Variants in SAMMSON observed in about 807,000 individuals in gnomAD.
The protein encoded by SAMMSON is long intergenic non-protein coding RNA 1212.
intron 6 of SAMMSON, among the ~76,000 whole-genome samples, chr3:70,279,760 AT>A (rs899451169): frequency 1.7e-4 from 26 of 152,284 alleles, no homozygotes; most frequent in Admixed American, 5.9e-4. Flanking sequence ...CATAAATGCC[AT>A]CCCTCTTTTC....
chr3:70,338,279 T>C (rs1489403511), intron 7 of SAMMSON, among the ~76,000 whole-genome samples: 1 of 152,002 alleles, frequency 6.6e-6, no homozygotes, highest in Non-Finnish European at 1.5e-5. Context: ...TTTTTAATAT[T>C]ATAAATTCCC....
intron 2 of SAMMSON, among the ~76,000 whole-genome samples, chr3:70,401,382 C>T (rs1701139372): frequency 6.6e-6 from 1 of 152,102 alleles, no homozygotes; most frequent in African/African-American, 2.4e-5. Flanking sequence ...TCAATTTAGG[C>T]CTCTACCTTA....
rs561982829 is a variant in SAMMSON, at chr3:70,070,268, T to C, written n.418-1208T>C. The C allele has an allele frequency of 9.9e-5, 15 of 152,196 alleles. No homozygotes were observed. In the East Asian group the frequency reaches 2.9e-3, roughly 30 times the overall value. The allele number at this position is 152,196 out of a possible 1,614,324, so 9.4% of individuals were successfully genotyped here. On this transcript the variant is annotated intron_variant and non_coding_transcript_variant, in intron 3 of 9. Transcript: ENST00000642114. ...CATAGTACATATCAAAAGTGGGAAATAGACTTTGACAAAATACTATTCATT... is the reference window on the plus strand; with the variant it reads ...CATAGTACATATCAAAAGTGGGAAACAGACTTTGACAAAATACTATTCATT...
intron 7 of SAMMSON, among the ~76,000 whole-genome samples, chr3:70,306,965 A>G (rs1293015297): frequency 6.6e-6 from 1 of 152,172 alleles, no homozygotes; most frequent in Non-Finnish European, 1.5e-5. Context: ...AAATATGTAT[A>G]TGTATGTGTG....
At chr3:70,163,311 CTA>C (rs1210395270) in intron 4 of SAMMSON, among the ~76,000 whole-genome samples, 2 of 146,702 alleles carry the variant, frequency 1.4e-5, no homozygotes, top group African/African-American at 5.0e-5. Context: ...TAAATCAGAA[CTA>C]TATATATATT....
chr3:70,309,206 T>A (rs1702434390), intron 7 of SAMMSON, among the ~76,000 whole-genome samples: 1 of 152,140 alleles, frequency 6.6e-6, no homozygotes, highest in African/African-American at 2.4e-5. Flanking sequence ...GAGATTCAAT[T>A]TGCCACTTAA....
chr3:70,357,660 C>T (rs1403371128), intron 8 of SAMMSON, among the ~76,000 whole-genome samples: 2 of 151,950 alleles, frequency 1.3e-5, no homozygotes, highest in Non-Finnish European at 1.5e-5. Flanking sequence ...CACATGTATA[C>T]TTATGGAACA....
At chr3:70,017,226 A>G (rs1576097449) in intron 3 of SAMMSON, among the ~76,000 whole-genome samples, 1 of 152,134 alleles carries the variant, frequency 6.6e-6, no homozygotes, top group East Asian at 1.9e-4. Context: ...TGAGCATGGA[A>G]TGTTATTCCA....
At chr3:70,386,583 A>G (rs947211341) in intron 9 of SAMMSON, among the ~76,000 whole-genome samples, 1 of 152,074 alleles carries the variant, frequency 6.6e-6, no homozygotes, top group Non-Finnish European at 1.5e-5. Context: ...GCTACAGCTC[A>G]TGTTAAGTTT....
At chr3:70,041,059 A>G (rs2067104629) in intron 3 of SAMMSON, among the ~76,000 whole-genome samples, 1 of 152,140 alleles carries the variant, frequency 6.6e-6, no homozygotes, top group South Asian at 2.1e-4. Context: ...TTGAAAGCAA[A>G]TTATAAAAGT....
chr3:70,147,679 T>C (rs2106685118), intron 4 of SAMMSON, among the ~76,000 whole-genome samples: 1 of 152,172 alleles, frequency 6.6e-6, no homozygotes, highest in Non-Finnish European at 1.5e-5. Context: ...CATCTAAGCA[T>C]AAAATTATAA....
intron 4 of SAMMSON, among the ~76,000 whole-genome samples, chr3:70,101,054 T>A (rs1016343670): frequency 2.0e-4 from 31 of 152,336 alleles, no homozygotes; most frequent in African/African-American, 6.0e-4. Flanking sequence ...GAATTTTTGA[T>A]CTGGTGGATT....
intron 2 of SAMMSON, among the ~76,000 whole-genome samples, chr3:70,415,834 C>T (rs867683369): frequency 1.1e-4 from 17 of 152,094 alleles, no homozygotes; most frequent in African/African-American, 3.1e-4. Flanking sequence ...TGTTGGACAC[C>T]GAGCTACCCT....
At chr3:70,168,362 A>G (rs1423651107) in intron 4 of SAMMSON, among the ~76,000 whole-genome samples, 1 of 152,020 alleles carries the variant, frequency 6.6e-6, no homozygotes, top group African/African-American at 2.4e-5. Flanking sequence ...CTCATAACCT[A>G]TAGAGCACAG....
chr3:70,148,033 G>A (rs1179613025), intron 4 of SAMMSON, among the ~76,000 whole-genome samples: 1 of 152,018 alleles, frequency 6.6e-6, no homozygotes, highest in African/African-American at 2.4e-5. Context: ...ATGAAAAGAT[G>A]CTCAATATCA....
At chr3:70,311,775 A>G (rs1292985109) in intron 7 of SAMMSON, 2 of 391,332 alleles carry the variant, frequency 5.1e-6, no homozygotes, top group African/African-American at 2.1e-5. Flanking sequence ...AATCAGAAGT[A>G]CTACTATTTG....
chr3:70,210,304 G>A (rs1323506904), intron 4 of SAMMSON, among the ~76,000 whole-genome samples: 1 of 152,104 alleles, frequency 6.6e-6, no homozygotes, highest in African/African-American at 2.4e-5. Flanking sequence ...CATTCATAAA[G>A]TTATTTTAAT....
intron 4 of SAMMSON, among the ~76,000 whole-genome samples, chr3:70,218,984 C>T (rs1701438365): frequency 7.3e-6 from 1 of 137,904 alleles, no homozygotes; most frequent in Admixed American, 7.4e-5. Flanking sequence ...AGTGTTTGGG[C>T]CATTTCAAGA....
chr3:70,380,171 C>T (rs1442315782), intron 9 of SAMMSON, among the ~76,000 whole-genome samples: 1 of 152,072 alleles, frequency 6.6e-6, no homozygotes, highest in Admixed American at 6.6e-5. Flanking sequence ...TAACCTTAAG[C>T]TGGATTTATC....
Sources: allele counts gnomAD v4.1 joint callset (sites outside exome capture counted in the v4.1 genomes callset), GRCh38; gene constraint gnomAD v4.1.1; transcripts MANE v1.5; gene names NCBI Gene and HGNC (gene_info 2026-07-23, HGNC 2026-07-21).